Variants in FHOD1 observed in about 807,000 individuals in gnomAD.
FHOD1 encodes the protein formin homology 2 domain containing 1, also known as FH1/FH2 domain-containing protein 1.
In FHOD1, 89 loss-of-function variants were observed where a neutral mutation model predicts 111.6. The observed-to-expected ratio is 0.80, with a 90% CI of 0.67 to 0.95. FHOD1 has a LOEUF of 0.95. FHOD1 is among the 40% of genes least tolerant of loss of function. The pLI is 0.00. For missense variants in FHOD1, 1,446 were observed against 1,554.2 expected (o/e 0.93, Z 1.17); for synonymous variants, 618 against 639.0 (o/e 0.97, Z 0.50).
At position 67,229,461 on chromosome 16, in the gene FHOD1, TGCACACACACACATAC is replaced by T. The variant is rs1249383482; in HGVS notation, c.*159_*174del. 1.6e-6 allele frequency: 1 copy of T among 639,888 alleles called. No individual in the cohort carries two copies. The highest frequency in any genetic ancestry group is 2.8e-6 in the Non-Finnish European group (1 of 355,016). 39.6% of individuals were successfully genotyped at this position (639,888 alleles called of 1,614,324 possible). A position where few individuals can be genotyped will look rare whatever the true frequency, so the allele number is the denominator to read the frequency against. On this transcript the variant is annotated 3_prime_UTR_variant, in exon 22 of 22. Transcript: ENST00000258201. ...TCACACACATGCACATGCATATGCATGCACACACACACATACACACACACTCACATGCATACACACA... is the reference window on the plus strand; with the variant it reads ...TCACACACATGCACATGCATATGCATACACACACTCACATGCATACACACA...
Position 67,247,260 on chromosome 16 carries a change from A to G in FHOD1, c.151T>C (p.Leu51=), listed in dbSNP as rs2034895611. 1 of 1,610,490 alleles carries G rather than the reference A, an allele frequency of 6.2e-7. No homozygotes were observed. Among genetic ancestry groups the G allele is most frequent in the Non-Finnish European group, 8.5e-7 (1 of 1,178,852 alleles). ...PTCSLDGALP[L]GAQIPAVHRL... is the part of the protein sequence containing the mutation. ...TGCACCGCGGGTATCTGCGCGCCCA[A>G]GGGCAGCGCCCCGTCCAGGCTGCAG... is the stretch of plus-strand genomic sequence containing the variant. Residue 51 remains leucine, a synonymous_variant, in exon 1 of 22, where the codon TTG becomes CTG. Transcript: ENST00000258201.
At position 67,238,495 on chromosome 16, in the gene FHOD1, C is replaced by G; in HGVS notation, c.374-48G>C. ...CCCTTGATGGACACAGACTCACTGT[C>G]TTCCTCTGCTTGGATACAACCACAA... is the stretch of plus-strand genomic sequence containing the variant. On this transcript the variant is annotated intron_variant, in intron 3 of 21. Coordinates refer to ENST00000258201, the MANE Select transcript of FHOD1 (RefSeq NM_013241.3). The surrounding 1 kb of genome is among the most constrained non-coding windows in gnomAD (Gnocchi z 4.2). 3 of 1,527,640 alleles carry G rather than the reference C, an allele frequency of 2.0e-6. No individual in the cohort carries two copies. Among genetic ancestry groups the G allele is most frequent in the African/African-American group, 1.4e-5 (1 of 73,332 alleles). The allele number at this position is 1,527,640 out of a possible 1,614,324, so 94.6% of individuals were successfully genotyped here.
chr16:67,242,523 C>G (rs980769479), intron 1 of FHOD1, among the ~76,000 whole-genome samples: 10 of 152,248 alleles, frequency 6.6e-5, no homozygotes, highest in Non-Finnish European at 8.8e-5. Flanking sequence ...TGGGGTCACC[C>G]TTCTGAGAGC....
intron 1 of FHOD1, among the ~76,000 whole-genome samples, chr16:67,243,103 T>C (rs2034713270): frequency 2.0e-5 from 3 of 152,100 alleles, no homozygotes; most frequent in Admixed American, 2.0e-4. Context: ...AGACTGAACA[T>C]ACCAGAGCAG....
In FHOD1 at chr16:67,232,108, TG is replaced by T; in HGVS notation, c.2132del (p.Pro711HisfsTer27). 1 of 1,614,174 alleles carries T rather than the reference TG, an allele frequency of 6.2e-7. No individual in the cohort carries two copies. Among genetic ancestry groups the T allele is most frequent in the Non-Finnish European group, 8.5e-7 (1 of 1,180,030 alleles). On this transcript the variant is annotated frameshift_variant, in exon 14 of 22. Transcript: ENST00000258201. LOFTEE classifies it high-confidence loss of function. ...GAGCAGCCTTAATGACATGCACAGGTGGCAGTGTGGTTAGGCCGATGTTGAT... is the reference window on the plus strand; with the variant it reads ...GAGCAGCCTTAATGACATGCACAGGTGCAGTGTGGTTAGGCCGATGTTGAT... ...NAINIGLTTL[P>X]PVHVIKAALL...
Position 67,230,730 on chromosome 16 carries a change from T to TC in FHOD1, c.2728dup (p.Glu910GlyfsTer11). On this transcript the variant is annotated frameshift_variant, in exon 18 of 22. Transcript: ENST00000258201. LOFTEE classifies it high-confidence loss of function. ...CTTGGCCAAGCTCCGCAGGCTCTCC[T>TC]CGGCTGCCCGGCTCCGGCGCTCCAG... 6.2e-7 allele frequency: 1 copy of TC among 1,611,796 alleles called. No individual in the cohort carries two copies. The highest frequency in any genetic ancestry group is 8.5e-7 in the Non-Finnish European group (1 of 1,178,822).
At chr16:67,246,813 T>A in intron 1 of FHOD1, 1 of 208,850 alleles carries the variant, frequency 4.8e-6, no homozygotes, top group Non-Finnish European at 9.6e-6. Flanking sequence ...CTCCTCGTGG[T>A]CCCGCCCCCA....
In FHOD1 at chr16:67,232,955, C is replaced by T. The variant is rs188593936; in HGVS notation, c.2046+702G>A. On this transcript the variant is annotated intron_variant, in intron 13 of 21. Transcript: ENST00000258201. ...TATTTTTAGTAGAGACGGGGTTTCACCATGTTGGCCAGGCTGGTCTCAAAC... is the reference window on the plus strand; with the variant it reads ...TATTTTTAGTAGAGACGGGGTTTCATCATGTTGGCCAGGCTGGTCTCAAAC... Among the ~76,000 whole-genome samples the T allele has an allele frequency of 3.9e-5, 6 of 152,016 alleles. No individual in the cohort carries two copies. In the East Asian group the frequency reaches 9.7e-4, roughly 25 times the overall value.
Position 67,238,426 on chromosome 16 carries a change from C to A in FHOD1, c.395G>T (p.Gly132Val). Residue 132 changes from glycine (G) to valine (V), a missense_variant, in exon 4 of 22, where the codon GGT becomes GTT. Physicochemically the swap from Gly to Val is moderately radical, Grantham distance 109. Transcript: ENST00000258201. The surrounding 1 kb of genome is among the most constrained non-coding windows in gnomAD (Gnocchi z 4.2). ...AILEKLYSSS[G>V]PELRRSLFSL... The stretch of plus-strand genomic sequence containing the variant: ...GAAGAGGGAGCGGCGGAGCTCAGGA[C>A]CACTGGAGCTATACAGCTTTTCTGC... The A allele has an allele frequency of 1.2e-6, 2 of 1,614,044 alleles. No individual in the cohort carries two copies. The highest frequency in any genetic ancestry group is 4.5e-5 in the East Asian group (2 of 44,884).
At chr16:67,234,773 T>G in intron 11 of FHOD1, 1 of 275,838 alleles carries the variant, frequency 3.6e-6, no homozygotes, top group Non-Finnish European at 6.9e-6. Context: ...TTTTGGTTGG[T>G]TTTTTTTTTA....
chr16:67,239,868 T>G (rs1186336320), intron 1 of FHOD1, among the ~76,000 whole-genome samples: 1 of 152,198 alleles, frequency 6.6e-6, no homozygotes, highest in Non-Finnish European at 1.5e-5. Flanking sequence ...GCATAGCACC[T>G]GACACACAGT....
chr16:67,245,952 T>C (rs920111261), intron 1 of FHOD1, among the ~76,000 whole-genome samples: 1 of 152,208 alleles, frequency 6.6e-6, no homozygotes, highest in African/African-American at 2.4e-5. Context: ...CTGCACACGC[T>C]TCTTCCAGGC....
At chr16:67,230,887 C>T in intron 17 of FHOD1, 96 bp from the exon 18 acceptor site, 2 of 1,308,658 alleles carry the variant, frequency 1.5e-6, no homozygotes, top group Non-Finnish European at 2.1e-6. Context: ...CAGCTTGGGC[C>T]CTAAGGACAC....
In FHOD1 at chr16:67,234,598, C is replaced by T. The variant is rs890695933; in HGVS notation, c.1320-126G>A. On this transcript the variant is annotated intron_variant, in intron 11 of 21. Coordinates refer to ENST00000258201, the MANE Select transcript of FHOD1 (RefSeq NM_013241.3). ...ACAGACACACAGGGAACAGTCCATGCGCTGAGCAGACCAGAACCACACCCC... is the reference window on the plus strand; with the variant it reads ...ACAGACACACAGGGAACAGTCCATGTGCTGAGCAGACCAGAACCACACCCC... 38 of 789,020 alleles carry T rather than the reference C, an allele frequency of 4.8e-5. 1 individual carries two copies. The highest frequency in any genetic ancestry group is 4.0e-4 in the East Asian group (15 of 37,196). 48.9% of individuals were successfully genotyped at this position (789,020 alleles called of 1,614,324 possible). A position where few individuals can be genotyped will look rare whatever the true frequency, so the allele number is the denominator to read the frequency against.
intron 1 of FHOD1, among the ~76,000 whole-genome samples, chr16:67,246,457 C>T (rs570029339): frequency 2.9e-4 from 44 of 152,324 alleles, no homozygotes; most frequent in African/African-American, 1.0e-3. Flanking sequence ...GGGCCTCTTT[C>T]CGCACTGTGC....
In FHOD1 at chr16:67,233,767, G is replaced by A. The variant is rs992581861; in HGVS notation, c.1936C>T (p.Arg646Cys). ...LAGGHGVSAS[R>C]FGPCATLWAS... ...CAGAGGGTGGCGCAGGGCCCAAAGC[G>A]GCTTGCAGAGACTCCATGGCCCCCA... is the stretch of plus-strand genomic sequence containing the variant. The change falls in exon 13 of 22, where the codon CGC becomes TGC. Residue 646 changes from arginine (R) to cysteine (C), a missense_variant. Coordinates refer to ENST00000258201, the MANE Select transcript of FHOD1 (RefSeq NM_013241.3). 4.3e-6 allele frequency: 7 copies of A among 1,613,878 alleles called. No homozygotes were observed. Among genetic ancestry groups the A allele is most frequent in the African/African-American group, 1.3e-5 (1 of 74,990 alleles).
At chr16:67,241,874 C>T (rs1375572031) in intron 1 of FHOD1, among the ~76,000 whole-genome samples, 1 of 152,232 alleles carries the variant, frequency 6.6e-6, no homozygotes, top group Non-Finnish European at 1.5e-5. Context: ...TGTCCTGCCT[C>T]CTTGCATGCT....
chr16:67,231,881 G>T lies in FHOD1; in HGVS notation c.2203-62C>A, dbSNP rs1377321865. 8.3e-6 allele frequency: 13 copies of T among 1,565,478 alleles called. No homozygotes were observed. The South Asian group carries it at 1.5e-4, about 18-fold the overall frequency. On this transcript the variant is annotated intron_variant, in intron 14 of 21. Coordinates refer to ENST00000258201, the MANE Select transcript of FHOD1 (RefSeq NM_013241.3). The surrounding 1 kb of genome is among the most constrained non-coding windows in gnomAD (Gnocchi z 4.3). Reference sequence around the variant, plus strand: ...ATGCAGGCCTGAGGCCTGAGGCATTGGTCTTGACCCCTCAGTCATCTAGGG... The same window carrying T: ...ATGCAGGCCTGAGGCCTGAGGCATTTGTCTTGACCCCTCAGTCATCTAGGG...
Position 67,230,768 on chromosome 16 carries a change from C to A in FHOD1, c.2691G>T (p.Glu897Asp), listed in dbSNP as rs150643297. Reference protein sequence around the residue: ...CAKVDFEQLTENLGQLERRSR... With the variant: ...CAKVDFEQLTDNLGQLERRSR... ...TCCGGCGCTCCAGCTGCCCCAGGTTCTCAGTCAGCTGTTCAAAGTCCACCT... is the reference window on the plus strand; with the variant it reads ...TCCGGCGCTCCAGCTGCCCCAGGTTATCAGTCAGCTGTTCAAAGTCCACCT... The change falls in exon 18 of 22, where the codon GAG becomes GAT. Residue 897 changes from glutamate (E) to aspartate (D), a missense_variant. By Grantham distance (45) the Glu-to-Asp change is conservative. Transcript: ENST00000258201. 8 of 1,602,746 alleles carry A rather than the reference C, an allele frequency of 5.0e-6. No individual in the cohort carries two copies. In the African/African-American group the frequency reaches 1.1e-4, roughly 21 times the overall value.
Sources: gnomAD v4.1 joint callset for allele counts (sites outside exome capture counted in the v4.1 genomes callset) on GRCh38, gnomAD v4.1.1 for gene constraint, Gnocchi (gnomAD v3.1) non-coding constraint, MANE v1.5 for transcripts, NCBI Gene and HGNC (gene_info 2026-07-23, HGNC 2026-07-21) for gene names.